UCHL3: variants seen among roughly 807,000 people sequenced by gnomAD.
UCHL3 encodes the protein ubiquitin carboxyl-terminal hydrolase isozyme L3.
Under a neutral mutation model 35.8 loss-of-function variants are expected in UCHL3, and 22 were observed. The observed-to-expected ratio is 0.61, with a 90% confidence interval of 0.44 to 0.88. The LOEUF is 0.88. Among genes scored for constraint, UCHL3 ranks in the 40% least tolerant of loss-of-function variants. UCHL3 has a pLI of 0.00. For synonymous variants in UCHL3, 90 were observed against 92.8 expected (o/e 0.97, Z 0.17); for missense variants, 229 against 276.9 (o/e 0.83, Z 1.23).
chr13:75,560,654 T>A (rs1408675222), intron 2 of UCHL3, 99 bp from the exon 3 acceptor site: 3 of 1,142,244 alleles, frequency 2.6e-6, no homozygotes, highest in Non-Finnish European at 3.6e-6. Context: ...AGAGTACATA[T>A]TTGTTGATCA....
chr13:75,553,426 C>T (rs2031183539), intron 2 of UCHL3, among the ~76,000 whole-genome samples: 1 of 152,194 alleles, frequency 6.6e-6, no homozygotes, highest in South Asian at 2.1e-4. Context: ...ATTTCTTGAC[C>T]TTTCAGCAGC....
Position 75,549,792 on chromosome 13 carries a change from T to A in UCHL3, c.-29T>A. ...GCGGCGGCGGCGAAGGCGGCGGCTG[T>A]CAGAGCTGGAGGGCCGGGCACCGCG... On this transcript the variant is annotated 5_prime_UTR_variant, in exon 1 of 9. Transcript: ENST00000377595. 1.3e-6 allele frequency: 2 copies of A among 1,503,888 alleles called. No homozygotes were observed. The highest frequency in any genetic ancestry group is 1.8e-6 in the Non-Finnish European group (2 of 1,135,830). 93.2% of individuals were successfully genotyped at this position (1,503,888 alleles called of 1,614,324 possible). A position where few individuals can be genotyped will look rare whatever the true frequency, so the allele number is the denominator to read the frequency against.
At chr13:75,583,065 A>G (rs1337320460) in intron 6 of UCHL3, among the ~76,000 whole-genome samples, 2 of 152,206 alleles carry the variant, frequency 1.3e-5, no homozygotes, top group African/African-American at 4.8e-5. Flanking sequence ...GGAGGTAAAA[A>G]TAAGTCTGAC....
At chr13:75,550,229 A>G (rs1167156673) in intron 2 of UCHL3, among the ~76,000 whole-genome samples, 1 of 151,106 alleles carries the variant, frequency 6.6e-6, no homozygotes, top group African/African-American at 2.4e-5. Context: ...TATCTTGGGG[A>G]CTCCGGGTCT....
intron 6 of UCHL3, among the ~76,000 whole-genome samples, chr13:75,570,335 ACTCCATT>A (rs1038597248): frequency 2.0e-5 from 3 of 151,706 alleles, no homozygotes; most frequent in African/African-American, 7.3e-5. Flanking sequence ...CTCCCGGGTC[ACTCCATT>A]CTCCTGCCTC....
At position 75,605,747 on chromosome 13, in the gene UCHL3, A is replaced by G. The variant is rs752414958; in HGVS notation, c.628A>G (p.Lys210Glu). ...TCCATAGGATGCCATAGAAGTTTGC[A>G]AGAAGTTTATGGAGCGCGACCCTGA... ...TLLEDAIEVC[K>E]KFMERDPDEL... The change falls in exon 9 of 9, where the codon AAG becomes GAG. Residue 210 changes from lysine (K) to glutamate (E), a missense_variant. Coordinates refer to ENST00000377595, the MANE Select transcript of UCHL3 (RefSeq NM_006002.5). The G allele has an allele frequency of 1.9e-5, 30 of 1,613,872 alleles. No individual in the cohort carries two copies. The South Asian group carries it at 3.2e-4, about 17-fold the overall frequency.
chr13:75,549,938 G>C, intron 1 of UCHL3, 38 bp from the exon 2 acceptor site: 1 of 1,614,204 alleles, frequency 6.2e-7, no homozygotes. Flanking sequence ...AGTCCACGGT[G>C]GTTTGTCTCT....
chr13:75,561,822 T>C (rs1344514824), intron 3 of UCHL3, among the ~76,000 whole-genome samples: 1 of 73,958 alleles, frequency 1.4e-5, no homozygotes, highest in African/African-American at 3.6e-5. Flanking sequence ...CGTATACGTA[T>C]ATACGTACGT....
At chr13:75,604,898 T>A in intron 8 of UCHL3, 71 bp downstream of exon 8, 2 of 1,303,308 alleles carry the variant, frequency 1.5e-6, no homozygotes, top group Non-Finnish European at 2.1e-6. Context: ...AAAGGTCACT[T>A]GCATAACATT....
chr13:75,584,844 A>G (rs1173164380), intron 6 of UCHL3, among the ~76,000 whole-genome samples: 2 of 152,206 alleles, frequency 1.3e-5, no homozygotes, highest in Non-Finnish European at 1.5e-5. Flanking sequence ...ATTCACCAGT[A>G]GACTCAACAA....
At chr13:75,593,888 A>T (rs2032576117) in intron 6 of UCHL3, among the ~76,000 whole-genome samples, 1 of 152,226 alleles carries the variant, frequency 6.6e-6, no homozygotes, top group African/African-American at 2.4e-5. Flanking sequence ...TTACTTGAGG[A>T]TGAAAAGAAT....
At chr13:75,566,914 G>A (rs562421784) in intron 4 of UCHL3, 63 bp downstream of exon 4, 2 of 1,487,522 alleles carry the variant, frequency 1.3e-6, no homozygotes, top group Admixed American at 2.2e-5. Context: ...GCATTGAGCA[G>A]TAGGTGGTGC....
intron 6 of UCHL3, among the ~76,000 whole-genome samples, chr13:75,585,603 G>A (rs1472785760): frequency 1.3e-5 from 2 of 152,084 alleles, no homozygotes; most frequent in African/African-American, 2.4e-5. Context: ...TGGAACAAAT[G>A]AAGGTAAATA....
chr13:75,605,611 T>G, intron 8 of UCHL3, 118 bp from the exon 9 acceptor site: 1 of 984,794 alleles, frequency 1.0e-6, no homozygotes, highest in Non-Finnish European at 1.5e-6. Context: ...TATTTCTCAT[T>G]TGGAAAAGGA....
intron 5 of UCHL3, among the ~76,000 whole-genome samples, chr13:75,568,934 C>A (rs1055329692): frequency 6.6e-6 from 1 of 152,022 alleles, no homozygotes; most frequent in Non-Finnish European, 1.5e-5. Context: ...ATAGTGGGTA[C>A]TATAAGAGTG....
intron 6 of UCHL3, among the ~76,000 whole-genome samples, chr13:75,583,864 C>G (rs928101359): frequency 6.6e-6 from 1 of 152,118 alleles, no homozygotes; most frequent in South Asian, 2.1e-4. Context: ...CAAAAGTAGG[C>G]TACCATAAGA....
At chr13:75,556,300 T>G (rs922733748) in intron 2 of UCHL3, among the ~76,000 whole-genome samples, 5 of 152,250 alleles carry the variant, frequency 3.3e-5, no homozygotes, top group Admixed American at 6.5e-5. Flanking sequence ...TCTGTCTCAT[T>G]AAAATTTATT....
At position 75,590,400 on chromosome 13, in the gene UCHL3, G is replaced by A. The variant is rs139751366; in HGVS notation, c.475-4515G>A. 4.8e-4 allele frequency among the ~76,000 whole-genome samples: 73 copies of A among 152,202 alleles called. No homozygotes were observed. In the South Asian group the frequency reaches 1.0e-2, roughly 21 times the overall value. On this transcript the variant is annotated intron_variant, in intron 6 of 8. Transcript: ENST00000377595. ...AGCACTGATCCACATTCATGATAAT[G>A]TTTAAGTCTGGTTAATTGTTAAAGT...
chr13:75,604,711 A>G, intron 7 of UCHL3, 58 bp from the exon 8 acceptor site: 1 of 1,444,958 alleles, frequency 6.9e-7, no homozygotes. Flanking sequence ...ATGGAAGTTG[A>G]AAGCACATTA....
Sources: gnomAD v4.1 joint callset for allele counts (sites outside exome capture counted in the v4.1 genomes callset) on GRCh38, gnomAD v4.1.1 for gene constraint, MANE v1.5 for transcripts, NCBI Gene and HGNC (gene_info 2026-07-23, HGNC 2026-07-21) for gene names.